Variants in MCUB observed in about 807,000 individuals in gnomAD.
The protein encoded by MCUB is mitochondrial calcium uniporter dominant negative subunit beta.
A neutral mutation model predicts 41.4 loss-of-function variants in MCUB; 46 were observed. The observed-to-expected ratio is 1.11, with a 90% CI of 0.88 to 1.42. MCUB has a LOEUF of 1.42. Among genes scored for constraint, MCUB ranks in the 40% most tolerant of loss-of-function variants. MCUB has a pLI of 0.00. For synonymous variants in MCUB, 148 were observed against 148.2 expected, an observed-to-expected ratio of 1.00 and a Z score of 0.01; for missense variants, 403 against 404.9, an observed-to-expected ratio of 1.00 and a Z score of 0.04.
At chr4:109,585,958 A>T (rs1412719180) in intron 1 of MCUB, among the ~76,000 whole-genome samples, 1 of 152,022 alleles carries the variant, frequency 6.6e-6, no homozygotes, top group African/African-American at 2.4e-5. Context: ...TCTTTGTGGC[A>T]TTCTCTGTGT....
intron 1 of MCUB, among the ~76,000 whole-genome samples, chr4:109,575,280 T>C (rs1219915935): frequency 6.6e-6 from 1 of 152,238 alleles, no homozygotes; most frequent in Non-Finnish European, 1.5e-5. Flanking sequence ...AAGCTTTGGC[T>C]TATTTATAGT....
intron 1 of MCUB, among the ~76,000 whole-genome samples, chr4:109,563,315 G>A (rs972793323): frequency 1.3e-5 from 2 of 152,116 alleles, no homozygotes; most frequent in African/African-American, 4.8e-5. Flanking sequence ...CTTAAGTATC[G>A]AGTATGCTTT....
intron 1 of MCUB, among the ~76,000 whole-genome samples, chr4:109,601,441 C>T (rs1193587200): frequency 3.3e-5 from 5 of 152,186 alleles, no homozygotes. Context: ...CTTTCTCTCT[C>T]CATGAGTTCA....
At chr4:109,571,203 T>C (rs1451145672) in intron 1 of MCUB, among the ~76,000 whole-genome samples, 2 of 152,328 alleles carry the variant, frequency 1.3e-5, no homozygotes, top group South Asian at 2.1e-4. Flanking sequence ...TTTTTCCTTC[T>C]TTTTCCTTCC....
chr4:109,654,948 T>C (rs564622390), intron 1 of MCUB, among the ~76,000 whole-genome samples: 20 of 152,222 alleles, frequency 1.3e-4, no homozygotes, highest in Admixed American at 5.2e-4. Flanking sequence ...TAACATCAGA[T>C]CCCACAAGTT....
chr4:109,562,535 T>C (rs1579038626), intron 1 of MCUB, among the ~76,000 whole-genome samples: 1 of 152,364 alleles, frequency 6.6e-6, no homozygotes, highest in East Asian at 1.9e-4. Context: ...TTCTAAGATA[T>C]CACTCTTTTG....
intron 4 of MCUB, among the ~76,000 whole-genome samples, chr4:109,677,493 T>G (rs956341391): frequency 1.3e-5 from 2 of 152,338 alleles, no homozygotes; most frequent in Admixed American, 1.3e-4. Flanking sequence ...GGTTTGAATG[T>G]GTCCCTCAAA....
intron 1 of MCUB, among the ~76,000 whole-genome samples, chr4:109,565,838 C>CTTTTT (rs34317769): frequency 2.2e-5 from 3 of 134,926 alleles, no homozygotes; most frequent in Non-Finnish European, 3.2e-5. Flanking sequence ...ATTTTCATTT[C>CTTTTT]TTTTTTTTTT....
At chr4:109,616,495 C>G (rs1279822808) in intron 1 of MCUB, among the ~76,000 whole-genome samples, 1 of 152,126 alleles carries the variant, frequency 6.6e-6, no homozygotes, top group Non-Finnish European at 1.5e-5. Context: ...AAACATAGCT[C>G]TAAATCTTGT....
chr4:109,679,711 G>A (rs1483007061), intron 4 of MCUB, among the ~76,000 whole-genome samples: 2 of 152,186 alleles, frequency 1.3e-5, no homozygotes, highest in African/African-American at 4.8e-5. Flanking sequence ...GCAGAAAGTG[G>A]ACTAGTGGAC....
At chr4:109,660,142 G>GT in intron 2 of MCUB, 53 bp from the exon 3 acceptor site, 1 of 886,234 alleles carries the variant, frequency 1.1e-6, no homozygotes, top group African/African-American at 1.7e-5. Context: ...TTGTATTTAT[G>GT]GTTTTTTTTA....
chr4:109,565,107 C>T (rs1384622664), intron 1 of MCUB, among the ~76,000 whole-genome samples: 1 of 152,188 alleles, frequency 6.6e-6, no homozygotes, highest in African/African-American at 2.4e-5. Context: ...CTTATTTATG[C>T]ATCACTTTTT....
In MCUB at chr4:109,587,529, C is replaced by T. The variant is rs58239494; in HGVS notation, c.99+27093C>T. Among the ~76,000 whole-genome samples the T allele has an allele frequency of 3.5e-3, 537 of 152,308 alleles. 6 individuals are homozygous for T. Among genetic ancestry groups the T allele is most frequent in the East Asian group, 0.013 (70 of 5,186 alleles). On this transcript the variant is annotated intron_variant, in intron 1 of 7. Transcript: ENST00000394650. The stretch of plus-strand genomic sequence containing the variant: ...CTCAGTTGGAAATGCAGAAATCACC[C>T]GTCTTCTGCGTCAATCACGCTGGGA...
At chr4:109,573,409 C>T (rs534818207) in intron 1 of MCUB, among the ~76,000 whole-genome samples, 2 of 150,344 alleles carry the variant, frequency 1.3e-5, no homozygotes, top group African/African-American at 2.5e-5. Flanking sequence ...GCGGAGATCG[C>T]GCCACCACAC....
chr4:109,611,956 TGTA>T (rs1334098606), intron 1 of MCUB, among the ~76,000 whole-genome samples: 1 of 152,182 alleles, frequency 6.6e-6, no homozygotes, highest in Admixed American at 6.5e-5. Context: ...CGACTAGACT[TGTA>T]GTGTGAAAAT....
Position 109,560,381 on chromosome 4 carries a change from C to G in MCUB, c.44C>G (p.Pro15Arg), listed in dbSNP as rs1235624324. ...GLWPWRTRLLPTPGTWRPARP... is the reference protein window; with the variant it reads ...GLWPWRTRLLRTPGTWRPARP... ...TGGCCGTGGCGCACGCGGCTGCTGC[C>G]GACCCCTGGCACCTGGCGCCCAGCG... is the stretch of plus-strand genomic sequence containing the variant. Residue 15 changes from proline (P) to arginine (R), a missense_variant, in exon 1 of 8, where the codon CCG (proline) becomes CGG (arginine). Coordinates refer to ENST00000394650, the MANE Select transcript of MCUB (RefSeq NM_017918.5). 6.0e-6 allele frequency: 8 copies of G among 1,332,046 alleles called. No homozygotes were observed. Among genetic ancestry groups the G allele is most frequent in the African/African-American group, 4.6e-5 (3 of 65,574 alleles). The allele number at this position is 1,332,046 out of a possible 1,614,324, so 82.5% of individuals were successfully genotyped here. A position where few individuals can be genotyped will look rare whatever the true frequency, so the allele number is the denominator to read the frequency against.
chr4:109,650,070 G>C (rs1728925575), intron 1 of MCUB, among the ~76,000 whole-genome samples: 1 of 152,152 alleles, frequency 6.6e-6, no homozygotes, highest in African/African-American at 2.4e-5. Flanking sequence ...ATCAAGGGGG[G>C]AATGGTAGGC....
intron 1 of MCUB, among the ~76,000 whole-genome samples, chr4:109,636,146 G>A (rs560228374): frequency 6.6e-6 from 1 of 152,250 alleles, no homozygotes; most frequent in African/African-American, 2.4e-5. Context: ...TACAATGAGG[G>A]GATTAAGGGT....
chr4:109,655,981 G>A (rs974088963), intron 1 of MCUB, among the ~76,000 whole-genome samples: 7 of 152,176 alleles, frequency 4.6e-5, no homozygotes, highest in Non-Finnish European at 8.8e-5. Context: ...AAGCCCTGCT[G>A]TTTTTCTCAG....
Sources: gnomAD v4.1 joint callset for allele counts (sites outside exome capture counted in the v4.1 genomes callset) on GRCh38, gnomAD v4.1.1 for gene constraint, MANE v1.5 for transcripts, NCBI Gene and HGNC (gene_info 2026-07-23, HGNC 2026-07-21) for gene names.